SLC26A7: variants seen among roughly 807,000 people sequenced by gnomAD.
SLC26A7 encodes solute carrier family 26 member 7.
SLC26A7 carries 59 observed loss-of-function variants against 82.5 expected under a neutral mutation model. The ratio of observed to expected loss-of-function variants is 0.72; its 90% confidence interval spans 0.58 to 0.89. The LOEUF (loss-of-function observed/expected upper bound fraction) is 0.89. Among genes scored for constraint, SLC26A7 ranks in the 40% least tolerant of loss-of-function variants. SLC26A7 has a pLI of 0.00. For missense variants in SLC26A7, 820 were observed against 793.0 expected (o/e 1.03, Z -0.41); for synonymous variants, 271 against 274.3 (o/e 0.99, Z 0.12).
chr8:91,359,367 A>G (rs1440876707), intron 11 of SLC26A7, among the ~76,000 whole-genome samples: 2 of 152,214 alleles, frequency 1.3e-5, no homozygotes, highest in African/African-American at 2.4e-5. Flanking sequence ...TAGTGTTACA[A>G]CTGAAGGAGA....
Position 91,227,611 on chromosome 8 carries a change from G to A in SLC26A7, c.-34+8606G>A, listed in dbSNP as rs117780833. 4.8e-3 allele frequency among the ~76,000 whole-genome samples: 730 copies of A among 152,112 alleles called. 6 individuals are homozygous for A. Among genetic ancestry groups the A allele is most frequent in the Middle Eastern group, 0.021 (6 of 292 alleles). On this transcript the variant is annotated intron_variant, in intron 2 of 5. Transcript: ENST00000522862. ...CACAATGGTATTAGTTGGATTCAGT[G>A]GATAAAGAGTTGCTACATCTAGCTA...
chr8:91,393,678 G>A, intron 16 of SLC26A7, 119 bp from the exon 17 acceptor site: 1 of 1,032,264 alleles, frequency 9.7e-7, no homozygotes, highest in Non-Finnish European at 1.5e-6. Flanking sequence ...CCTCCCTCTG[G>A]TGGTTTGACT....
rs1291513255 is a variant in SLC26A7 at position 91,397,572 on chromosome 8, C to T, written c.*2475C>T. On this transcript the variant is annotated 3_prime_UTR_variant, in exon 19 of 19. Coordinates refer to ENST00000276609, the MANE Select transcript of SLC26A7 (RefSeq NM_052832.4). Reference sequence around the variant, plus strand: ...ATAAATTAAGCATAAAATATGTAACCAGGAAAAGACTGTTAACATTACATT... The same window carrying T: ...ATAAATTAAGCATAAAATATGTAACTAGGAAAAGACTGTTAACATTACATT... The T allele has an allele frequency of 2.0e-5, 3 of 152,336 alleles. No individual in the cohort carries two copies. Among genetic ancestry groups the T allele is most frequent in the Non-Finnish European group, 4.4e-5 (3 of 67,926 alleles). The allele number at this position is 152,336 out of a possible 1,614,324, so 9.4% of individuals were successfully genotyped here.
At position 91,351,885 on chromosome 8, in the gene SLC26A7, ATG is replaced by A. The variant is rs1813727596; in HGVS notation, c.1217_1218del (p.Val408ProfsTer27). The A allele has an allele frequency of 6.2e-7, 1 of 1,604,910 alleles. No homozygotes were observed. Among genetic ancestry groups the A allele is most frequent in the Non-Finnish European group, 8.5e-7 (1 of 1,171,928 alleles). On this transcript the variant is annotated frameshift_variant and splice_region_variant, in exon 10 of 19. Transcript: ENST00000276609. LOFTEE classifies it high-confidence loss of function. The stretch of plus-strand genomic sequence containing the variant: ...AGGACCTTTGCTTTACTGGCTGCCC[ATG>A]GTACGGTAGTGCTTTTTCACTATCT... ...AIGPLLYWLP[M>X]CVLASIIVVG...
intron 14 of SLC26A7, among the ~76,000 whole-genome samples, chr8:91,368,842 T>G (rs530756515): frequency 2.5e-3 from 384 of 152,350 alleles, no homozygotes; most frequent in Middle Eastern, 6.8e-3. Context: ...TAAGTGGCAT[T>G]ACCTGAATGT....
At chr8:91,375,275 A>G (rs1814479825) in intron 15 of SLC26A7, among the ~76,000 whole-genome samples, 1 of 152,112 alleles carries the variant, frequency 6.6e-6, no homozygotes, top group Non-Finnish European at 1.5e-5. Flanking sequence ...TGTTTCTGTC[A>G]TAGTGTTGTT....
chr8:91,326,828 G>A (rs1224629232), intron 5 of SLC26A7, among the ~76,000 whole-genome samples: 2 of 152,104 alleles, frequency 1.3e-5, no homozygotes, highest in Non-Finnish European at 2.9e-5. Context: ...AGGTTCTAGG[G>A]GAGAAACCAT....
chr8:91,283,860 A>C (rs949714623), intron 2 of SLC26A7, among the ~76,000 whole-genome samples: 2 of 152,204 alleles, frequency 1.3e-5, no homozygotes, highest in Non-Finnish European at 2.9e-5. Flanking sequence ...TTGAGTGGTA[A>C]GACTTATTAG....
At chr8:91,296,640 G>A (rs1039331010) in intron 4 of SLC26A7, among the ~76,000 whole-genome samples, 5 of 152,166 alleles carry the variant, frequency 3.3e-5, no homozygotes, top group Non-Finnish European at 2.9e-5. Flanking sequence ...AAAGAATTAA[G>A]GATGTAAAAT....
intron 3 of SLC26A7, among the ~76,000 whole-genome samples, chr8:91,289,538 G>A (rs907134354): frequency 5.3e-5 from 8 of 152,152 alleles, no homozygotes; most frequent in Admixed American, 4.6e-4. Flanking sequence ...CCAGCTACTC[G>A]GGAGGCTGAG....
At chr8:91,338,041 T>TTGA in intron 6 of SLC26A7, 109 bp from the exon 7 acceptor site, 2 of 581,348 alleles carry the variant, frequency 3.4e-6, no homozygotes, top group East Asian at 3.3e-5. Flanking sequence ...TAGATTATTC[T>TTGA]TGATGTTTAT....
chr8:91,265,854 G>A (rs914651399), intron 2 of SLC26A7, among the ~76,000 whole-genome samples: 1 of 151,816 alleles, frequency 6.6e-6, no homozygotes. Flanking sequence ...CTAGTTAGAT[G>A]CATACTTTGC....
At chr8:91,215,529 G>T (rs1810028525) in intron 1 of SLC26A7, among the ~76,000 whole-genome samples, 1 of 152,114 alleles carries the variant, frequency 6.6e-6, no homozygotes, top group Admixed American at 6.6e-5. Context: ...AACACGTAGA[G>T]AATATAATCA....
At chr8:91,317,005 A>G (rs983074619) in intron 4 of SLC26A7, among the ~76,000 whole-genome samples, 36 of 142,168 alleles carry the variant, frequency 2.5e-4, no homozygotes, top group African/African-American at 8.2e-4. Context: ...AAAAAAAAAA[A>G]AAAAAAAAAA....
intron 4 of SLC26A7, among the ~76,000 whole-genome samples, chr8:91,307,778 AC>A (rs1408018828): frequency 6.8e-6 from 1 of 148,046 alleles, no homozygotes; most frequent in Non-Finnish European, 1.5e-5. Context: ...GTGCACATGT[AC>A]CCTAAAACTT....
At chr8:91,234,908 GTTTC>G (rs1172554593) in intron 2 of SLC26A7, among the ~76,000 whole-genome samples, 7 of 126,536 alleles carry the variant, frequency 5.5e-5, no homozygotes, top group African/African-American at 1.9e-4. Context: ...CTCTCTCTCT[GTTTC>G]TTTCTTTCTT....
upstream of SLC26A7, among the ~76,000 whole-genome samples, chr8:91,246,722 G>A (rs918363453): frequency 9.3e-5 from 14 of 151,262 alleles, 1 homozygote; most frequent in South Asian, 2.5e-3. Flanking sequence ...AAAACAAAAC[G>A]GAAAAGTAAT....
intron 5 of SLC26A7, among the ~76,000 whole-genome samples, chr8:91,318,822 A>G (rs1304394281): frequency 2.0e-5 from 3 of 152,190 alleles, no homozygotes; most frequent in Non-Finnish European, 4.4e-5. Context: ...ATCAGCTATT[A>G]AAAACCACCT....
intron 9 of SLC26A7, among the ~76,000 whole-genome samples, chr8:91,349,024 G>T (rs187909842): frequency 6.6e-6 from 1 of 152,052 alleles, no homozygotes; most frequent in African/African-American, 2.4e-5. Flanking sequence ...GATTTTTTAC[G>T]AATCCAAATT....
Sources: gnomAD v4.1 joint callset for allele counts (sites outside exome capture counted in the v4.1 genomes callset) on GRCh38, gnomAD v4.1.1 for gene constraint, MANE v1.5 for transcripts, NCBI Gene and HGNC (gene_info 2026-07-23, HGNC 2026-07-21) for gene names.